Variants in GPC5 observed in about 807,000 individuals in gnomAD.
The protein encoded by GPC5 is glypican 5, also known as glypican-5.
A neutral mutation model predicts 53.9 loss-of-function variants in GPC5; 47 were observed. That is an observed-to-expected ratio of 0.87 (90% CI 0.69 to 1.11). The LOEUF (loss-of-function observed/expected upper bound fraction) is 1.11, where lower values mean the gene tolerates loss of function less well. Among genes scored for constraint, GPC5 ranks in the 50% most tolerant of loss-of-function variants. The probability of loss-of-function intolerance (pLI) is 0.00; values close to 1 mark genes in which losing one functional copy is unlikely to be tolerated. For synonymous variants in GPC5, 286 were observed against 263.3 expected, an observed-to-expected ratio of 1.09 and a Z score of -0.84; for missense variants, 748 against 713.1, an observed-to-expected ratio of 1.05 and a Z score of -0.56.
At chr13:92,344,254 A>T (rs1345156070) in intron 7 of GPC5, among the ~76,000 whole-genome samples, 1 of 152,112 alleles carries the variant, frequency 6.6e-6, no homozygotes, top group Non-Finnish European at 1.5e-5. Flanking sequence ...AAAGAGGGGA[A>T]ACCCCTTTAT....
intron 7 of GPC5, chr13:92,509,495 A>G (rs1880489508): frequency 6.6e-6 from 1 of 151,922 alleles, no homozygotes; most frequent in African/African-American, 2.4e-5. Flanking sequence ...TTATTTTTTC[A>G]TTACTTTCTT....
chr13:92,423,300 T>G (rs937310280), intron 7 of GPC5, among the ~76,000 whole-genome samples: 4 of 152,182 alleles, frequency 2.6e-5, no homozygotes, highest in African/African-American at 9.6e-5. Flanking sequence ...AACATATAAT[T>G]CAGAATAAGA....
intron 7 of GPC5, among the ~76,000 whole-genome samples, chr13:92,602,906 G>A: frequency 6.6e-6 from 1 of 152,092 alleles, no homozygotes; most frequent in Admixed American, 6.6e-5. Flanking sequence ...GCCACATGAG[G>A]TGTAGTCTGA....
intron 4 of GPC5, among the ~76,000 whole-genome samples, chr13:91,743,449 A>G (rs1185373391): frequency 6.6e-6 from 1 of 152,204 alleles, no homozygotes; most frequent in Non-Finnish European, 1.5e-5. Context: ...CATCTATAGC[A>G]AGAGTATCAA....
chr13:92,678,941 G>A (rs1887032158), intron 7 of GPC5, among the ~76,000 whole-genome samples: 1 of 152,120 alleles, frequency 6.6e-6, no homozygotes, highest in South Asian at 2.1e-4. Flanking sequence ...CATGGGATGT[G>A]AGTCAAATTT....
chr13:91,553,059 G>T (rs907141193), intron 2 of GPC5, among the ~76,000 whole-genome samples: 4 of 152,144 alleles, frequency 2.6e-5, no homozygotes, highest in African/African-American at 9.6e-5. Flanking sequence ...AGTTAATTGT[G>T]TCTTTGATTT....
rs1173762866 is a variant in GPC5 at position 92,166,948 on chromosome 13, TCTCTCTCTCACACACACA to T, written c.1561+21961_1561+21978del. The stretch of plus-strand genomic sequence containing the variant: ...CTCTCTCTCTCTCTCTCTCTCTCTC[TCTCTCTCTCACACACACA>T]CACACACACACACACACACACACAC... On this transcript the variant is annotated intron_variant, in intron 7 of 7. Transcript: ENST00000377067. 8.7e-3 allele frequency among the ~76,000 whole-genome samples: 499 copies of T among 57,278 alleles called. 6 individuals carry two copies. Among genetic ancestry groups the T allele is most frequent in the African/African-American group, 0.024 (448 of 18,796 alleles). The allele number at this position is 57,278 out of a possible 152,430, so 37.6% of individuals were successfully genotyped here.
At chr13:92,796,861 A>G (rs986540207) in intron 7 of GPC5, among the ~76,000 whole-genome samples, 1 of 152,092 alleles carries the variant, frequency 6.6e-6, no homozygotes, top group South Asian at 2.1e-4. Flanking sequence ...TCACATTTCT[A>G]ACTTTTAATG....
intron 6 of GPC5, among the ~76,000 whole-genome samples, chr13:92,052,501 CT>C (rs2041038707): frequency 1.3e-5 from 2 of 152,172 alleles, no homozygotes; most frequent in Non-Finnish European, 2.9e-5. Context: ...CGCCCATGTC[CT>C]GCTGGTTGGT....
chr13:91,907,288 T>C (rs2039563126), intron 5 of GPC5, among the ~76,000 whole-genome samples: 1 of 148,582 alleles, frequency 6.7e-6, no homozygotes, highest in African/African-American at 2.4e-5. Context: ...TCAAAAGATT[T>C]ATTAATAAAA....
intron 7 of GPC5, among the ~76,000 whole-genome samples, chr13:92,676,983 A>T (rs1051616658): frequency 9.2e-5 from 14 of 152,174 alleles, no homozygotes; most frequent in African/African-American, 3.4e-4. Flanking sequence ...CCCTTTGATT[A>T]TCACTCTATT....
intron 5 of GPC5, among the ~76,000 whole-genome samples, chr13:91,830,847 TATATATATCCTATTATATATA>T (rs1380784824): frequency 0.034 from 4,549 of 134,992 alleles, 141 homozygotes; most frequent in Middle Eastern, 0.049. Flanking sequence ...TTATATATAA[TATATATATCCTATTATATATA>T]ATATATATCC....
At chr13:91,780,313 G>A (rs1251216543) in intron 5 of GPC5, among the ~76,000 whole-genome samples, 2 of 151,914 alleles carry the variant, frequency 1.3e-5, no homozygotes, top group African/African-American at 2.4e-5. Flanking sequence ...TTACCCTCTT[G>A]TCTATCTTAA....
chr13:92,715,306 T>C (rs745381766), intron 7 of GPC5, among the ~76,000 whole-genome samples: 5 of 152,164 alleles, frequency 3.3e-5, no homozygotes, highest in Non-Finnish European at 7.3e-5. Context: ...GACTGTAAGA[T>C]TGAAAAACTC....
At chr13:92,508,304 A>G (rs1240727426) in intron 7 of GPC5, among the ~76,000 whole-genome samples, 1 of 152,204 alleles carries the variant, frequency 6.6e-6, no homozygotes, top group Non-Finnish European at 1.5e-5. Context: ...TCATTTGTAA[A>G]TCACCCAAAT....
intron 2 of GPC5, among the ~76,000 whole-genome samples, chr13:91,521,859 G>T (rs1885833995): frequency 6.6e-6 from 1 of 152,230 alleles, no homozygotes; most frequent in African/African-American, 2.4e-5. Flanking sequence ...TGTCTGACTT[G>T]TGCCTATAAC....
chr13:92,437,572 C>T (rs1877361793), intron 7 of GPC5, among the ~76,000 whole-genome samples: 2 of 152,148 alleles, frequency 1.3e-5, no homozygotes, highest in African/African-American at 4.8e-5. Flanking sequence ...TAAATTCAAT[C>T]ATTTCACACA....
Position 92,249,225 on chromosome 13 carries a change from GT to G in GPC5, c.1561+104240del, listed in dbSNP as rs994839342. Among the ~76,000 whole-genome samples, 5 of 152,058 alleles carry G rather than the reference GT, an allele frequency of 3.3e-5. No homozygotes were observed. In the East Asian group the frequency reaches 5.8e-4, roughly 18 times the overall value. ...AATGTACAATAAATTGTTGACTATAGTTTTGCCACTGCAAACAATAGAAGGC... is the reference window on the plus strand; with the variant it reads ...AATGTACAATAAATTGTTGACTATAGTTTGCCACTGCAAACAATAGAAGGC... On this transcript the variant is annotated intron_variant, in intron 7 of 7. Coordinates refer to ENST00000377067, the MANE Select transcript of GPC5 (RefSeq NM_004466.6).
Position 92,562,247 on chromosome 13 carries a change from G to A in GPC5, c.1562-304035G>A, listed in dbSNP as rs1882723003. Among the ~76,000 whole-genome samples the A allele has an allele frequency of 2.0e-5, 3 of 152,034 alleles. 1 individual carries two copies. The South Asian group carries it at 6.2e-4, about 32-fold the overall frequency. ...AATCTCTTATGAATTTCACCCTTAC[G>A]CTGTGCATTTTTCGCCCAGGCACAC... On this transcript the variant is annotated intron_variant, in intron 7 of 7. Transcript: ENST00000377067.
Sources: allele counts gnomAD v4.1 joint callset (sites outside exome capture counted in the v4.1 genomes callset), GRCh38; gene constraint gnomAD v4.1.1; transcripts MANE v1.5; gene names NCBI Gene and HGNC (gene_info 2026-07-23, HGNC 2026-07-21).